SLC16A7: variants seen among roughly 807,000 people sequenced by gnomAD.
SLC16A7 encodes the protein solute carrier family 16 member 7.
SLC16A7 carries 33 observed loss-of-function variants against 34.9 expected under a neutral mutation model. The observed-to-expected ratio is 0.94, with a 90% confidence interval of 0.72 to 1.26. SLC16A7 has a LOEUF of 1.26. SLC16A7 is among the 50% of genes most tolerant of loss of function. The probability of loss-of-function intolerance (pLI) is 0.00; values close to 1 mark genes in which losing one functional copy is unlikely to be tolerated. For synonymous variants in SLC16A7, 201 were observed against 206.6 expected (o/e 0.97, Z 0.23); for missense variants, 573 against 578.1 (o/e 0.99, Z 0.09).
intron 3 of SLC16A7, among the ~76,000 whole-genome samples, chr12:59,758,185 A>C (rs1481772259): frequency 6.6e-6 from 1 of 152,124 alleles, no homozygotes; most frequent in Non-Finnish European, 1.5e-5. Context: ...ATTAGAAAAA[A>C]ACTATACCAT....
chr12:59,671,843 G>A lies in SLC16A7; in HGVS notation c.-31+16593G>A, dbSNP rs1489002139. Among the ~76,000 whole-genome samples, 12 of 126,142 alleles carry A rather than the reference G, an allele frequency of 9.5e-5. No individual in the cohort carries two copies. In the East Asian group the frequency reaches 2.6e-3, roughly 27 times the overall value. 82.8% of individuals were successfully genotyped at this position (126,142 alleles called of 152,430 possible). A position where few individuals can be genotyped will look rare whatever the true frequency, so the allele number is the denominator to read the frequency against. Reference sequence around the variant, plus strand: ...TGTGTATATGTATATATGTATATATGTGTATATATATGTGTATATGTATAT... The same window carrying A: ...TGTGTATATGTATATATGTATATATATGTATATATATGTGTATATGTATAT... On this transcript the variant is annotated intron_variant, in intron 2 of 5. Transcript: ENST00000547379.
At position 59,706,585 on chromosome 12, in the gene SLC16A7, G is replaced by A. The variant is rs565585383; in HGVS notation, c.217+1567G>A. Among the ~76,000 whole-genome samples the A allele has an allele frequency of 9.2e-5, 14 of 152,064 alleles. No individual in the cohort carries two copies. In the South Asian group the frequency reaches 2.9e-3, roughly 32 times the overall value. ...AACACACATTCTATGAATCTCCTTTGGACAGTTGCTTTATAGATTGTAAGA... is the reference window on the plus strand; with the variant it reads ...AACACACATTCTATGAATCTCCTTTAGACAGTTGCTTTATAGATTGTAAGA... On this transcript the variant is annotated intron_variant, in intron 3 of 5. Coordinates refer to ENST00000547379, the MANE Select transcript of SLC16A7 (RefSeq NM_001270623.2).
chr12:59,690,872 C>T (rs895529966), intron 2 of SLC16A7, among the ~76,000 whole-genome samples: 16 of 151,646 alleles, frequency 1.1e-4, no homozygotes, highest in South Asian at 4.2e-4. Flanking sequence ...TCTATAAGCA[C>T]GGATCGATTT....
At chr12:59,606,036 T>C (rs1193956763) in intron 1 of SLC16A7, among the ~76,000 whole-genome samples, 1 of 152,238 alleles carries the variant, frequency 6.6e-6, no homozygotes, top group African/African-American at 2.4e-5. Context: ...TCTCTACCTT[T>C]ATTTTTGGCA....
chr12:59,721,399 C>T (rs992340550), intron 3 of SLC16A7, among the ~76,000 whole-genome samples: 9 of 151,910 alleles, frequency 5.9e-5, no homozygotes, highest in Admixed American at 1.3e-4. Context: ...CCTTTCTCAC[C>T]CCCTCAACTA....
At chr12:59,706,222 T>C (rs1332859056) in intron 3 of SLC16A7, among the ~76,000 whole-genome samples, 1 of 152,282 alleles carries the variant, frequency 6.6e-6, no homozygotes, top group East Asian at 1.9e-4. Flanking sequence ...ATAAACCTGA[T>C]TCAATTCTTT....
intron 3 of SLC16A7, among the ~76,000 whole-genome samples, chr12:59,759,433 T>C (rs1484360118): frequency 2.0e-5 from 3 of 152,036 alleles, no homozygotes; most frequent in Non-Finnish European, 4.4e-5. Context: ...CAAAGAAACA[T>C]GGTAAATTAT....
chr12:59,653,605 A>C (rs539187028), intron 1 of SLC16A7, among the ~76,000 whole-genome samples: 1 of 151,830 alleles, frequency 6.6e-6, no homozygotes, highest in South Asian at 2.1e-4. Flanking sequence ...TCTAAATTCA[A>C]GTGAATTTAA....
At chr12:59,712,278 T>C (rs1184032971) in intron 3 of SLC16A7, among the ~76,000 whole-genome samples, 2 of 152,186 alleles carry the variant, frequency 1.3e-5, no homozygotes, top group Admixed American at 1.3e-4. Flanking sequence ...TCTGTGCCAA[T>C]AACATTTAAA....
At chr12:59,752,403 T>G (rs1332001355) in intron 3 of SLC16A7, among the ~76,000 whole-genome samples, 2 of 152,080 alleles carry the variant, frequency 1.3e-5, no homozygotes, top group East Asian at 3.8e-4. Flanking sequence ...TACAGAGAAG[T>G]GCTTAAAGGA....
intron 5 of SLC16A7, among the ~76,000 whole-genome samples, chr12:59,778,131 A>G (rs1882944694): frequency 6.6e-6 from 1 of 152,138 alleles, no homozygotes; most frequent in South Asian, 2.1e-4. Flanking sequence ...ACATTTAGAA[A>G]GTATGCTGAT....
intron 3 of SLC16A7, among the ~76,000 whole-genome samples, chr12:59,744,074 T>C (rs1322394712): frequency 6.6e-6 from 1 of 152,220 alleles, no homozygotes; most frequent in African/African-American, 2.4e-5. Context: ...TGCACATATA[T>C]TATCTTGCGT....
intron 2 of SLC16A7, among the ~76,000 whole-genome samples, chr12:59,701,529 T>A (rs1353210964): frequency 6.6e-6 from 1 of 151,668 alleles, no homozygotes; most frequent in Non-Finnish European, 1.5e-5. Flanking sequence ...CCAAGTAGAA[T>A]GCTTTTAAAG....
At chr12:59,631,440 C>T (rs538381012) in intron 1 of SLC16A7, among the ~76,000 whole-genome samples, 2 of 152,032 alleles carry the variant, frequency 1.3e-5, no homozygotes, top group South Asian at 4.1e-4. Flanking sequence ...ATATAGCCTC[C>T]AGGAAATATT....
At chr12:59,686,090 CTTTTCTTTTTTTTTTTT>C (rs1871137631) in intron 2 of SLC16A7, among the ~76,000 whole-genome samples, 1 of 106,432 alleles carries the variant, frequency 9.4e-6, no homozygotes, top group African/African-American at 3.4e-5. Context: ...TCAAAAAGAA[CTTTTCTTTTTTTTTTTT>C]TTTTTTTTTG....
At position 59,788,279 on chromosome 12, in the gene SLC16A7, A is replaced by C. The variant is rs1275776944; in HGVS notation, c.*8600A>C. On this transcript the variant is annotated 3_prime_UTR_variant, in exon 6 of 6. Transcript: ENST00000547379. The stretch of plus-strand genomic sequence containing the variant: ...CAGCTAACTTTTGCAAGAATTTTTT[A>C]AGGGATTAGATTTAGGGGTTAATGT... The C allele has an allele frequency of 6.6e-6, 1 of 152,158 alleles. No homozygotes were observed. Among genetic ancestry groups the C allele is most frequent in the African/African-American group, 2.4e-5 (1 of 41,464 alleles). 9.4% of individuals were successfully genotyped at this position (152,158 alleles called of 1,614,324 possible). A position where few individuals can be genotyped will look rare whatever the true frequency, so the allele number is the denominator to read the frequency against.
intron 3 of SLC16A7, chr12:59,735,834 GA>G: frequency 2.6e-6 from 1 of 378,676 alleles, no homozygotes; most frequent in East Asian, 1.2e-4. Flanking sequence ...TTTATGTTAT[GA>G]AGATTGCCAT....
chr12:59,765,816 G>A (rs1375458548), intron 3 of SLC16A7, among the ~76,000 whole-genome samples: 1 of 152,118 alleles, frequency 6.6e-6, no homozygotes, highest in Non-Finnish European at 1.5e-5. Context: ...GGCAATGCGG[G>A]CTCTTTTTTC....
chr12:59,684,539 A>G (rs982903428), intron 2 of SLC16A7, among the ~76,000 whole-genome samples: 1 of 152,152 alleles, frequency 6.6e-6, no homozygotes, highest in Non-Finnish European at 1.5e-5. Flanking sequence ...CAAAGGTCAG[A>G]AAAACATAGT....
Sources: allele counts gnomAD v4.1 joint callset (sites outside exome capture counted in the v4.1 genomes callset), GRCh38; gene constraint gnomAD v4.1.1; transcripts MANE v1.5; gene names NCBI Gene and HGNC (gene_info 2026-07-23, HGNC 2026-07-21).